MALRD1: variants seen among roughly 807,000 people sequenced by gnomAD.
MALRD1 encodes MAM and LDL receptor class A domain containing 1, also known as MAM and LDL-receptor class A domain-containing protein 1.
MALRD1 carries 247 observed loss-of-function variants against 242.1 expected under a neutral mutation model. That is an observed-to-expected ratio of 1.02 (90% confidence interval 0.92 to 1.13). The LOEUF (loss-of-function observed/expected upper bound fraction) is 1.13, where lower values mean the gene tolerates loss of function less well. MALRD1 is among the 50% of genes most tolerant of loss of function. The pLI is 0.00. For synonymous variants in MALRD1, 995 were observed against 866.6 expected (o/e 1.15, Z -2.60); for missense variants, 2,989 against 2,533.1 (o/e 1.18, Z -3.86).
intron 36 of MALRD1, among the ~76,000 whole-genome samples, chr10:19,621,641 G>C (rs1247555574): frequency 6.6e-6 from 1 of 151,662 alleles, no homozygotes; most frequent in Non-Finnish European, 1.5e-5. Context: ...AAATGAAATA[G>C]TAGAACAGAA....
At chr10:19,206,308 A>G (rs555980307) in intron 17 of MALRD1, among the ~76,000 whole-genome samples, 1 of 152,282 alleles carries the variant, frequency 6.6e-6, no homozygotes, top group South Asian at 2.1e-4. Flanking sequence ...AGTCAGGCCT[A>G]TTAAACTCAG....
At chr10:19,325,762 T>G (rs1306910148) in intron 22 of MALRD1, among the ~76,000 whole-genome samples, 1 of 152,228 alleles carries the variant, frequency 6.6e-6, no homozygotes, top group Non-Finnish European at 1.5e-5. Context: ...TTTTAAATAC[T>G]ATTAGCTTGC....
intron 10 of MALRD1, among the ~76,000 whole-genome samples, chr10:19,138,177 T>A (rs1027569714): frequency 5.1e-5 from 7 of 136,584 alleles, no homozygotes; most frequent in Non-Finnish European, 7.9e-5. Flanking sequence ...TTAAACCAAG[T>A]AATCGGCTAA....
At chr10:19,244,238 TTTCC>T (rs1838937255) in intron 18 of MALRD1, among the ~76,000 whole-genome samples, 18 of 152,198 alleles carry the variant, frequency 1.2e-4, no homozygotes, top group Admixed American at 6.5e-4. Flanking sequence ...GCTTCTTATC[TTTCC>T]TTGCACGCTT....
At chr10:19,199,544 T>C (rs1836427118) in intron 14 of MALRD1, among the ~76,000 whole-genome samples, 1 of 152,136 alleles carries the variant, frequency 6.6e-6, no homozygotes, top group Non-Finnish European at 1.5e-5. Flanking sequence ...CTCACGCCTG[T>C]AATCTCAGTA....
chr10:19,518,686 A>G (rs552699202), intron 31 of MALRD1, among the ~76,000 whole-genome samples: 2 of 152,116 alleles, frequency 1.3e-5, no homozygotes, highest in Non-Finnish European at 2.9e-5. Context: ...CATAAATACT[A>G]AAATACAATT....
chr10:19,336,895 T>A (rs1450240937), intron 24 of MALRD1, among the ~76,000 whole-genome samples: 1 of 152,090 alleles, frequency 6.6e-6, no homozygotes, highest in East Asian at 1.9e-4. Flanking sequence ...GACAAAACTA[T>A]TTAATTAATA....
intron 36 of MALRD1, among the ~76,000 whole-genome samples, chr10:19,636,684 A>C (rs1278569860): frequency 1.3e-5 from 2 of 152,092 alleles, no homozygotes; most frequent in Admixed American, 6.6e-5. Context: ...GGATCACCTG[A>C]GGTCAGGAGT....
intron 12 of MALRD1, among the ~76,000 whole-genome samples, chr10:19,158,787 A>G (rs1468949738): frequency 6.6e-6 from 1 of 152,232 alleles, no homozygotes; most frequent in Non-Finnish European, 1.5e-5. Flanking sequence ...AAGCTACAAG[A>G]GGGTGAGTCC....
chr10:19,679,803 C>T (rs191977713), intron 36 of MALRD1, among the ~76,000 whole-genome samples: 4 of 152,204 alleles, frequency 2.6e-5, no homozygotes, highest in Admixed American at 1.3e-4. Context: ...CTACAAATTT[C>T]CCTCTTAACA....
chr10:19,692,867 TTATA>T (rs1254775928), intron 38 of MALRD1, among the ~76,000 whole-genome samples: 1 of 29,634 alleles, frequency 3.4e-5, no homozygotes, highest in African/African-American at 1.1e-4. Flanking sequence ...ATAGATGAAA[TTATA>T]TATATATATA....
intron 36 of MALRD1, among the ~76,000 whole-genome samples, chr10:19,671,861 G>A (rs188571792): frequency 3.1e-4 from 47 of 152,200 alleles, no homozygotes; most frequent in Non-Finnish European, 5.6e-4. Flanking sequence ...GACAGAAACT[G>A]CTGAACCCTA....
At chr10:19,152,955 G>A (rs1301688866) in intron 11 of MALRD1, among the ~76,000 whole-genome samples, 1 of 151,938 alleles carries the variant, frequency 6.6e-6, no homozygotes, top group African/African-American at 2.4e-5. Flanking sequence ...TTTATCATTT[G>A]CCATTTAGAA....
intron 23 of MALRD1, 129 bp from the exon 24 acceptor site, chr10:19,331,240 A>G: frequency 3.8e-6 from 3 of 780,236 alleles, no homozygotes; most frequent in Non-Finnish European, 5.9e-6. Context: ...GGACATAAAA[A>G]ACAAAAACAA....
chr10:19,586,484 C>T (rs563870446), intron 33 of MALRD1, among the ~76,000 whole-genome samples: 8 of 152,152 alleles, frequency 5.3e-5, no homozygotes, highest in East Asian at 3.9e-4. Context: ...AGTACCCGGC[C>T]GTGTGAGGTG....
intron 32 of MALRD1, among the ~76,000 whole-genome samples, chr10:19,562,677 C>A (rs1351533107): frequency 6.6e-6 from 1 of 152,068 alleles, no homozygotes; most frequent in East Asian, 1.9e-4. Flanking sequence ...AGCTCTGGGC[C>A]CATGGCCTGT....
intron 7 of MALRD1, among the ~76,000 whole-genome samples, chr10:19,126,512 CTTAA>C (rs1837287686): frequency 6.6e-6 from 1 of 151,914 alleles, no homozygotes; most frequent in African/African-American, 2.4e-5. Context: ...AATTTAAAGT[CTTAA>C]TTTATTTTTG....
intron 14 of MALRD1, among the ~76,000 whole-genome samples, chr10:19,175,711 T>A (rs1564444401): frequency 6.6e-6 from 1 of 151,946 alleles, no homozygotes; most frequent in Non-Finnish European, 1.5e-5. Flanking sequence ...TATTTCAGGA[T>A]CACCCAGGAG....
chr10:19,445,993 G>T (rs377475484), intron 28 of MALRD1, among the ~76,000 whole-genome samples: 4 of 152,252 alleles, frequency 2.6e-5, no homozygotes, highest in African/African-American at 9.6e-5. Flanking sequence ...AAGCCTCAGC[G>T]GTGGTGGATG....
Sources: allele counts gnomAD v4.1 joint callset (sites outside exome capture counted in the v4.1 genomes callset), GRCh38; gene constraint gnomAD v4.1.1; transcripts MANE v1.5; gene names NCBI Gene and HGNC (gene_info 2026-07-23, HGNC 2026-07-21).